Variants in FIBCD1 observed in about 807,000 individuals in gnomAD.
FIBCD1 encodes fibrinogen C domain-containing protein 1.
Under a neutral mutation model 45.1 loss-of-function variants are expected in FIBCD1, and 47 were observed. The ratio of observed to expected loss-of-function variants is 1.04; its 90% CI spans 0.82 to 1.33. The LOEUF (loss-of-function observed/expected upper bound fraction) is 1.33. Ranked by LOEUF, FIBCD1 falls within the 40% of genes most tolerant of loss-of-function variation. The pLI, the probability that FIBCD1 is intolerant of heterozygous loss-of-function variation, is 0.00. For synonymous variants in FIBCD1, 313 were observed against 308.1 expected, an observed-to-expected ratio of 1.02 and a Z score of -0.17; for missense variants, 653 against 682.2, an observed-to-expected ratio of 0.96 and a Z score of 0.48.
chr9:130,923,571 C>T (rs942685179), intron 4 of FIBCD1, among the ~76,000 whole-genome samples, 173 bp downstream of exon 4: 1 of 152,182 alleles, frequency 6.6e-6, no homozygotes, highest in Non-Finnish European at 1.5e-5. Flanking sequence ...TCCCCTGTTC[C>T]CCTCTTCTGT....
rs1470324625 is a variant in FIBCD1 at position 130,903,704 on chromosome 9, G to A, written c.*360C>T. On this transcript the variant is annotated 3_prime_UTR_variant, in exon 7 of 7. Transcript: ENST00000372338. ...CTGCTCTCTGTCCCCATAATGCCGG[G>A]TATTTGGCCGGGCAGGGCAGAGGGT... The A allele has an allele frequency of 4.9e-6, 2 of 408,838 alleles. No individual in the cohort carries two copies. The highest frequency in any genetic ancestry group is 9.3e-6 in the Non-Finnish European group (2 of 215,236). 25.3% of individuals were successfully genotyped at this position (408,838 alleles called of 1,614,324 possible).
chr9:130,913,078 G>T (rs6597653), intron 4 of FIBCD1, among the ~76,000 whole-genome samples: 1 of 151,716 alleles, frequency 6.6e-6, no homozygotes, highest in East Asian at 2.0e-4. Flanking sequence ...TGCCTCTGTT[G>T]TTCATTTTAA....
chr9:130,930,466 G>A (rs543380788), intron 1 of FIBCD1, among the ~76,000 whole-genome samples: 23 of 103,428 alleles, frequency 2.2e-4, no homozygotes, highest in African/African-American at 4.2e-4. Flanking sequence ...AGGGAGACGC[G>A]GGGAGATGCA....
At chr9:130,914,591 T>C (rs1588106665) in intron 4 of FIBCD1, among the ~76,000 whole-genome samples, 1 of 152,100 alleles carries the variant, frequency 6.6e-6, no homozygotes, top group Admixed American at 6.5e-5. Context: ...CAGGGGCAGG[T>C]GAGCTGATGT....
At chr9:130,924,426 G>C (rs375652381) in intron 2 of FIBCD1, 30 bp from the exon 3 acceptor site, 3 of 1,581,606 alleles carry the variant, frequency 1.9e-6, no homozygotes, top group Non-Finnish European at 2.6e-6. Context: ...AGCCGAGGGG[G>C]CAGGGGCTCT....
At chr9:130,907,297 G>C (rs1010047144) in intron 5 of FIBCD1, among the ~76,000 whole-genome samples, 1 of 152,122 alleles carries the variant, frequency 6.6e-6, no homozygotes, top group African/African-American at 2.4e-5. Flanking sequence ...GGTCCTCTCC[G>C]TCCTTCCTCC....
At position 130,929,158 on chromosome 9, in the gene FIBCD1, G is replaced by GTGCGGCTCTGAGAGATGGGGT. The variant is rs1431986449; in HGVS notation, c.552+408_552+409insACCCCATCTCTCAGAGCCGCA. ...GAGAGATGGGGTGCGGCTCTGAGGG[G>GTGCGGCTCTGAGAGATGGGGT]GTAGCACTGATCAGCCACATGCCCT... On this transcript the variant is annotated intron_variant, in intron 2 of 6. Transcript: ENST00000372338. 4.6e-5 allele frequency among the ~76,000 whole-genome samples: 7 copies of GTGCGGCTCTGAGAGATGGGGT among 152,242 alleles called. No homozygotes were observed. The South Asian group carries it at 1.5e-3, about 32-fold the overall frequency.
chr9:130,905,489 C>T, intron 5 of FIBCD1, 76 bp from the exon 6 acceptor site: 1 of 1,439,120 alleles, frequency 6.9e-7, no homozygotes, highest in South Asian at 1.4e-5. Flanking sequence ...TGATAAATGA[C>T]AGCTGAGCTC....
At chr9:130,909,406 T>C (rs886441598) in intron 5 of FIBCD1, among the ~76,000 whole-genome samples, 5 of 152,234 alleles carry the variant, frequency 3.3e-5, no homozygotes, top group African/African-American at 1.2e-4. Flanking sequence ...CCCCAGCACC[T>C]GTGCGTTTCA....
At position 130,905,193 on chromosome 9, in the gene FIBCD1, G is replaced by A. The variant is rs903868972; in HGVS notation, c.1126+41C>T. The A allele has an allele frequency of 1.9e-6, 3 of 1,583,850 alleles. No homozygotes were observed. In the African/African-American group the frequency reaches 4.0e-5, roughly 21 times the overall value. On this transcript the variant is annotated intron_variant, in intron 6 of 6. Transcript: ENST00000372338. ...CCTCCTCCGTCCTCCATCCTCCCAG[G>A]CCGCCCCCCTTCCCCATCCCTGCCA...
intron 2 of FIBCD1, among the ~76,000 whole-genome samples, chr9:130,927,256 AAAAAG>A (rs1448799709): frequency 6.6e-6 from 1 of 152,030 alleles, no homozygotes; most frequent in Non-Finnish European, 1.5e-5. Context: ...AAAAAAAAGA[AAAAAG>A]AAAAGGGAGT....
At chr9:130,932,793 A>G (rs1381485496) in intron 1 of FIBCD1, among the ~76,000 whole-genome samples, 2 of 152,190 alleles carry the variant, frequency 1.3e-5, no homozygotes, top group Non-Finnish European at 2.9e-5. Flanking sequence ...GGGCCGTTCT[A>G]TGATTTCCTT....
upstream of FIBCD1, among the ~76,000 whole-genome samples, chr9:130,940,268 G>T (rs1246267744): frequency 6.6e-6 from 1 of 152,268 alleles, no homozygotes; most frequent in Non-Finnish European, 1.5e-5. Context: ...CATCCGAGGA[G>T]ACTGCCACCC....
intron 4 of FIBCD1, among the ~76,000 whole-genome samples, chr9:130,921,316 G>T (rs1832257034): frequency 6.6e-6 from 1 of 152,278 alleles, no homozygotes; most frequent in Admixed American, 6.5e-5. Context: ...GTGGCAGCCA[G>T]CTCCTTCCCA....
chr9:130,910,832 TTG>T (rs1285418941), intron 5 of FIBCD1, among the ~76,000 whole-genome samples: 1 of 152,028 alleles, frequency 6.6e-6, no homozygotes, highest in East Asian at 1.9e-4. Flanking sequence ...AGCTCAGGGT[TTG>T]TGAGTGCACC....
intron 4 of FIBCD1, among the ~76,000 whole-genome samples, chr9:130,915,448 A>G (rs1206866542): frequency 6.6e-6 from 1 of 152,108 alleles, no homozygotes; most frequent in East Asian, 1.9e-4. Context: ...CACGCCTGTA[A>G]CCCCAGCACT....
intron 4 of FIBCD1, among the ~76,000 whole-genome samples, chr9:130,916,619 A>G (rs539261832): frequency 6.6e-6 from 1 of 152,362 alleles, no homozygotes; most frequent in South Asian, 2.1e-4. Flanking sequence ...TCTGGCAAAC[A>G]GCTTCAGCGA....
chr9:130,935,767 C>T (rs759148973), intron 1 of FIBCD1, among the ~76,000 whole-genome samples: 37 of 152,212 alleles, frequency 2.4e-4, no homozygotes, highest in Non-Finnish European at 4.6e-4. Flanking sequence ...TGAGTCCCAG[C>T]TCCAGCTCTT....
chr9:130,911,324 CAGTG>C (rs10576508), intron 5 of FIBCD1, among the ~76,000 whole-genome samples: 80,715 of 151,818 alleles, frequency 0.53, 23,553 homozygotes, highest in African/African-American at 0.78. Flanking sequence ...TTCTTGAAAT[CAGTG>C]AGACCAAGAA....
Sources: gnomAD v4.1 joint callset for allele counts (sites outside exome capture counted in the v4.1 genomes callset) on GRCh38, gnomAD v4.1.1 for gene constraint, MANE v1.5 for transcripts, NCBI Gene and HGNC (gene_info 2026-07-23, HGNC 2026-07-21) for gene names.